Variants in SMARCA1 observed in about 807,000 individuals in gnomAD.
The protein encoded by SMARCA1 is SNF2 related chromatin remodeling ATPase 1, also known as SWI/SNF-related matrix-associated actin-dependent regulator of chromatin subfamily A member 1.
Under a neutral mutation model 93.6 loss-of-function variants are expected in SMARCA1, and 17 were observed. That is an observed-to-expected ratio of 0.18 (90% confidence interval 0.12 to 0.27). The LOEUF (loss-of-function observed/expected upper bound fraction) is 0.27. SMARCA1 is among the 10% of genes least tolerant of loss of function. The pLI is 1.00. For synonymous variants in SMARCA1, 271 were observed against 271.4 expected (o/e 1.00, Z 0.01); for missense variants, 630 against 819.0 (o/e 0.77, Z 2.82).
At chrX:129,489,314 A>C (rs1450956472) in intron 15 of SMARCA1, among the ~76,000 whole-genome samples, 3 of 112,392 alleles carry the variant, frequency 2.7e-5, no homozygotes, top group Non-Finnish European at 5.6e-5. Flanking sequence ...ACCCAGAAGG[A>C]CAGAAACTTT....
At chrX:129,513,589 T>C (rs1173535365) in intron 5 of SMARCA1, among the ~76,000 whole-genome samples, 1 of 106,429 alleles carries the variant, frequency 9.4e-6, no homozygotes, top group Non-Finnish European at 1.9e-5. Flanking sequence ...ATATATTATA[T>C]ATTATATATA....
chrX:129,518,443 T>C lies in SMARCA1; in HGVS notation c.179A>G (p.Asn60Ser), dbSNP rs745503701. ...AAGTTTGAGTTGAAATGAAGAAACG[T>C]TTTTCTAGAATTTCAAAGAAAATAA... Reference protein sequence around the residue: ...TEKGEKKKEKNVSSFQLKLAA... With the variant: ...TEKGEKKKEKSVSSFQLKLAA... Residue 60 changes from asparagine (N) to serine (S), a missense_variant, in exon 2 of 25, where the codon AAC becomes AGC. Around this residue, in one of 4 missense-constraint regions of SMARCA1, gnomAD observed 103 missense variants for 82.0 expected, o/e 1.26. Coordinates refer to ENST00000371121, the MANE Select transcript of SMARCA1 (RefSeq NM_001282874.2). The C allele has an allele frequency of 8.5e-7, 1 of 1,176,715 alleles. No individual in the cohort carries two copies. Among genetic ancestry groups the C allele is most frequent in the Non-Finnish European group, 1.2e-6 (1 of 869,484 alleles).
chrX:129,482,314 T>C lies in SMARCA1; in HGVS notation c.2218-1129A>G, dbSNP rs370997098. Reference sequence around the variant, plus strand: ...ACCTGCACAATGTGCACATGTACCCTAAAACTTAAAGTATAATTTAAAAAA... The same window carrying C: ...ACCTGCACAATGTGCACATGTACCCCAAAACTTAAAGTATAATTTAAAAAA... On this transcript the variant is annotated intron_variant, in intron 17 of 24. Transcript: ENST00000371121. Among the ~76,000 whole-genome samples the C allele has an allele frequency of 2.3e-4, 25 of 107,971 alleles. No homozygotes were observed. In the East Asian group the frequency reaches 4.1e-3, roughly 18 times the overall value. 93.8% of individuals were successfully genotyped at this position (107,971 alleles called of 115,157 possible).
intron 23 of SMARCA1, among the ~76,000 whole-genome samples, chrX:129,453,073 G>A (rs1226611155): frequency 1.8e-5 from 2 of 111,213 alleles, no homozygotes; most frequent in Non-Finnish European, 3.8e-5. Context: ...TGTGTATTCT[G>A]ACCACTCTAC....
At position 129,467,474 on chromosome X, in the gene SMARCA1, AT is replaced by A. The variant is rs759860097; in HGVS notation, c.2698+1298del. 4.1e-3 allele frequency among the ~76,000 whole-genome samples: 459 copies of A among 110,780 alleles called. 1 individual carries two copies. Among genetic ancestry groups the A allele is most frequent in the African/African-American group, 0.014 (436 of 30,480 alleles). ...ATGCTAAAATTTCTCTCTTCAATCT[AT>A]TTTTTCCCCTAAGCCTCCAAATGCC... On this transcript the variant is annotated intron_variant, in intron 21 of 24. Transcript: ENST00000371121.
intron 12 of SMARCA1, among the ~76,000 whole-genome samples, chrX:129,496,506 G>A (rs151257032): frequency 0.018 from 1,940 of 110,628 alleles, 39 homozygotes; most frequent in African/African-American, 0.061. Flanking sequence ...GAGAAAATAA[G>A]GATGGGATGG....
At chrX:129,517,627 C>T (rs1935251208) in intron 2 of SMARCA1, among the ~76,000 whole-genome samples, 1 of 110,225 alleles carries the variant, frequency 9.1e-6, no homozygotes, top group Non-Finnish European at 1.9e-5. Flanking sequence ...TATCAACAAC[C>T]AAAAAATATA....
At chrX:129,467,728 T>C (rs1932954100) in intron 21 of SMARCA1, among the ~76,000 whole-genome samples, 1 of 111,180 alleles carries the variant, frequency 9.0e-6, no homozygotes, top group African/African-American at 3.3e-5. Context: ...AAGCTGTTCC[T>C]AGCTATTATT....
At chrX:129,516,562 A>G in intron 2 of SMARCA1, 65 bp from the exon 3 acceptor site, 1 of 934,020 alleles carries the variant, frequency 1.1e-6, no homozygotes, top group Non-Finnish European at 1.5e-6. Context: ...TATTTAACAA[A>G]TACTTACTTT....
chrX:129,465,355 G>A (rs1219954508), intron 23 of SMARCA1, among the ~76,000 whole-genome samples, 165 bp downstream of exon 23: 1 of 111,550 alleles, frequency 9.0e-6, no homozygotes. Context: ...GATTCTGCAC[G>A]TATATATAGG....
At position 129,471,287 on chromosome X, in the gene SMARCA1, G is replaced by A; in HGVS notation, c.2482C>T (p.Gln828Ter). ...TCAATCTTTTTTTGCTCTTCTCTTT[G>A]AGCCAGAGCTGGATTTGGGATATCA... ...NPDIPNPALA[Q>*]REEQKKIDGA... The change falls in exon 20 of 25, where the codon CAA becomes TAA. Residue 828 changes from glutamine (Q) to a stop codon, truncating the protein, a stop_gained. Transcript: ENST00000371121. LOFTEE classifies it high-confidence loss of function. 8.3e-7 allele frequency: 1 copy of A among 1,198,863 alleles called. No homozygotes were observed. Among genetic ancestry groups the A allele is most frequent in the Non-Finnish European group, 1.1e-6 (1 of 885,015 alleles).
chrX:129,470,885 T>A (rs1347416796), intron 20 of SMARCA1, among the ~76,000 whole-genome samples: 1 of 111,928 alleles, frequency 8.9e-6, no homozygotes. Flanking sequence ...AAAAAGAATA[T>A]GTTAATAACT....
intron 5 of SMARCA1, among the ~76,000 whole-genome samples, chrX:129,514,995 G>A (rs1345783310): frequency 9.0e-6 from 1 of 111,437 alleles, no homozygotes; most frequent in Non-Finnish European, 1.9e-5. Context: ...GTGGCAGTGA[G>A]CTGAGATCGT....
In SMARCA1 at chrX:129,523,304, C is replaced by T; in HGVS notation, c.67G>A (p.Val23Ile). The T allele has an allele frequency of 4.1e-6, 5 of 1,207,815 alleles. No homozygotes were observed. The highest frequency in any genetic ancestry group is 4.5e-6 in the Non-Finnish European group (4 of 894,402). ...AAADATATIV[V>I]IEDEQPGPST... Reference sequence around the variant, plus strand: ...GGCCCGGGCTGCTCGTCCTCTATGACCACGATAGTGGCGGTCGCATCCGCG... The same window carrying T: ...GGCCCGGGCTGCTCGTCCTCTATGATCACGATAGTGGCGGTCGCATCCGCG... Residue 23 changes from valine to isoleucine, a missense_variant, in exon 1 of 25, where the codon GTC becomes ATC. This residue lies in a region of SMARCA1 where 103 missense variants were observed against 82.0 expected (regional missense o/e 1.26). Transcript: ENST00000371121.
At chrX:129,521,182 G>A (rs763030035) in intron 1 of SMARCA1, among the ~76,000 whole-genome samples, 2 of 111,751 alleles carry the variant, frequency 1.8e-5, no homozygotes, top group Admixed American at 9.4e-5. Context: ...CACCGCGCCC[G>A]GCTGGAAAAA....
intron 9 of SMARCA1, among the ~76,000 whole-genome samples, 185 bp downstream of exon 9, chrX:129,504,549 T>TA (rs780225300): frequency 0.14 from 3,442 of 24,074 alleles, 867 homozygotes; most frequent in Non-Finnish European, 0.21. Context: ...CATAGAGGAA[T>TA]AAAAAAAAAA....
At chrX:129,468,993 A>C (rs1933002202) in intron 20 of SMARCA1, 88 bp from the exon 21 acceptor site, 1 of 547,854 alleles carries the variant, frequency 1.8e-6, no homozygotes, top group African/African-American at 2.4e-5. Context: ...ATGATACATT[A>C]AAAAACACTT....
At chrX:129,496,422 G>C (rs1934328344) in intron 12 of SMARCA1, among the ~76,000 whole-genome samples, 1 of 109,781 alleles carries the variant, frequency 9.1e-6, no homozygotes, top group African/African-American at 3.3e-5. Flanking sequence ...AAAAGAAAAT[G>C]ACATGAAATT....
At chrX:129,449,215 G>A (rs1214093822) in intron 23 of SMARCA1, among the ~76,000 whole-genome samples, 2 of 111,461 alleles carry the variant, frequency 1.8e-5, no homozygotes, top group Non-Finnish European at 3.8e-5. Flanking sequence ...AAAAAAATAA[G>A]GGGATGTTCT....
Sources: gnomAD v4.1 joint callset for allele counts (sites outside exome capture counted in the v4.1 genomes callset) on GRCh38, gnomAD v4.1.1 for gene constraint, gnomAD v4.1.1 regional missense constraint, MANE v1.5 for transcripts, NCBI Gene and HGNC (gene_info 2026-07-23, HGNC 2026-07-21) for gene names.